DST: variants seen among roughly 807,000 people sequenced by gnomAD.
DST encodes the protein dystonin, also known as bullous pemphigoid antigen.
In DST, 253 loss-of-function variants were observed where a neutral mutation model predicts 875.2. That is an observed-to-expected ratio of 0.29 (90% CI 0.26 to 0.32). The LOEUF (loss-of-function observed/expected upper bound fraction) is 0.32. Ranked by LOEUF, DST falls within the 10% of genes least tolerant of loss-of-function variation. The pLI, the probability that DST is intolerant of heterozygous loss-of-function variation, is 1.00. For missense variants in DST, 8,287 were observed against 9,111.6 expected (o/e 0.91, Z 3.68); for synonymous variants, 3,124 against 3,197.1 (o/e 0.98, Z 0.77).
intron 4 of DST, among the ~76,000 whole-genome samples, chr6:56,811,559 T>C (rs1447574722): frequency 2.0e-5 from 3 of 152,218 alleles, no homozygotes; most frequent in African/African-American, 7.2e-5. Context: ...AATTGGATAC[T>C]ATCTTTCATT....
At chr6:56,918,083 A>C (rs952154696) in intron 2 of DST, among the ~76,000 whole-genome samples, 2 of 150,486 alleles carry the variant, frequency 1.3e-5, no homozygotes, top group African/African-American at 4.9e-5. Flanking sequence ...TGTTTTCTAC[A>C]TTGCTCTTTT....
intron 4 of DST, among the ~76,000 whole-genome samples, chr6:56,825,100 G>A (rs964817888): frequency 3.3e-5 from 5 of 151,738 alleles, no homozygotes; most frequent in African/African-American, 1.2e-4. Flanking sequence ...GATGGTTGCC[G>A]TGTCTGTGTA....
chr6:56,472,123 TG>T lies in DST; in HGVS notation c.22093del (p.Gln7365LysfsTer20). 6.2e-7 allele frequency: 1 copy of T among 1,613,970 alleles called. No homozygotes were observed. The highest frequency in any genetic ancestry group is 8.5e-7 in the Non-Finnish European group (1 of 1,179,850). ...TCTTTCCAACGCCAGGAGCCAGACT[TG>T]CTGCCATTTGCTCACCAGTAAGTTT... ...RVNLLVSKWQ[Q>X]VWLLALERRR... On this transcript the variant is annotated frameshift_variant, in exon 94 of 104. Transcript: ENST00000680361. LOFTEE classifies it high-confidence loss of function.
intron 10 of DST, among the ~76,000 whole-genome samples, chr6:56,661,492 G>A (rs111742523): frequency 0.022 from 3,402 of 152,166 alleles, 53 homozygotes; most frequent in Middle Eastern, 0.034. Flanking sequence ...GGCAGCATGC[G>A]GGGGGAGGGG....
chr6:56,632,779 A>G (rs1475579607), intron 28 of DST, 75 bp downstream of exon 28: 3 of 1,207,168 alleles, frequency 2.5e-6, no homozygotes, highest in Non-Finnish European at 3.6e-6. Flanking sequence ...TAAGATTGAG[A>G]TTCCCATTGA....
intron 15 of DST, among the ~76,000 whole-genome samples, 170 bp downstream of exon 15, chr6:56,645,696 G>A (rs2098938327): frequency 1.3e-5 from 2 of 152,110 alleles, no homozygotes; most frequent in Admixed American, 1.3e-4. Flanking sequence ...TTCACTGATT[G>A]CCTCCTTAAA....
chr6:56,564,335 G>C (rs922838096), intron 55 of DST, among the ~76,000 whole-genome samples: 7 of 152,124 alleles, frequency 4.6e-5, no homozygotes, highest in African/African-American at 1.7e-4. Flanking sequence ...TCTCTTTGTA[G>C]CGATTGTGAA....
Position 56,529,757 on chromosome 6 carries a change from G to C in DST, c.17286C>G (p.Ile5762Met). The C allele has an allele frequency of 6.3e-7, 1 of 1,583,760 alleles. No homozygotes were observed. Among genetic ancestry groups the C allele is most frequent in the Non-Finnish European group, 8.6e-7 (1 of 1,166,046 alleles). ...GGTGTAAATGTTTATTGTGATTGAT[G>C]ATGTCATCTTCTAAGGCCTAAGCAA... ...IAQHKALEDD[I>M]INHNKHLHQA... Residue 5762 changes from isoleucine to methionine, a missense_variant, in exon 66 of 104, where the codon ATC becomes ATG. Ile to Met is a conservative substitution (Grantham distance 10). Coordinates refer to ENST00000680361, the MANE Select transcript of DST (RefSeq NM_001374736.1).
chr6:56,736,786 A>G (rs1270051847), intron 4 of DST, among the ~76,000 whole-genome samples: 1 of 152,252 alleles, frequency 6.6e-6, no homozygotes, highest in East Asian at 1.9e-4. Flanking sequence ...ATATGAGACA[A>G]ATGTTACTAT....
chr6:56,630,830 T>G (rs1209682366), intron 30 of DST, among the ~76,000 whole-genome samples: 2 of 151,724 alleles, frequency 1.3e-5, no homozygotes, highest in East Asian at 1.9e-4. Flanking sequence ...TCACCCAGGC[T>G]GGAGTGCAGT....
intron 3 of DST, among the ~76,000 whole-genome samples, chr6:56,867,299 A>G (rs16888189): frequency 0.21 from 32,536 of 152,140 alleles, 3,901 homozygotes; most frequent in African/African-American, 0.32. Flanking sequence ...GCCCATTGCC[A>G]AGCACAGAGC....
chr6:56,729,807 G>A (rs1304321589), intron 5 of DST, among the ~76,000 whole-genome samples: 1 of 152,088 alleles, frequency 6.6e-6, no homozygotes, highest in East Asian at 1.9e-4. Flanking sequence ...CAGTGTGATT[G>A]ATTTGGTGGA....
chr6:56,712,100 A>AAAAAAAAAAAAAAAAAAAAC (rs1563813807), intron 5 of DST, among the ~76,000 whole-genome samples: 17 of 148,260 alleles, frequency 1.1e-4, no homozygotes, highest in African/African-American at 4.1e-4. Context: ...CAAAAAAAAA[A>AAAAAAAAAAAAAAAAAAAAC]AAAAAATAGG....
At chr6:56,554,143 G>C (rs897958383) in intron 60 of DST, among the ~76,000 whole-genome samples, 2 of 136,434 alleles carry the variant, frequency 1.5e-5, no homozygotes, top group Admixed American at 1.6e-4. Context: ...GGAGTGTTGA[G>C]GCGCTATCTC....
chr6:56,779,117 C>G (rs967105022), intron 4 of DST, among the ~76,000 whole-genome samples: 4 of 152,082 alleles, frequency 2.6e-5, no homozygotes, highest in Non-Finnish European at 4.4e-5. Flanking sequence ...TTTTGATTTG[C>G]ATTTCTCTGA....
At chr6:56,729,862 G>A (rs571410560) in intron 5 of DST, among the ~76,000 whole-genome samples, 7 of 152,180 alleles carry the variant, frequency 4.6e-5, no homozygotes, top group African/African-American at 7.2e-5. Flanking sequence ...GAATATCTGC[G>A]CCATGAGTAA....
chr6:56,623,131 C>A (rs1369066139), intron 36 of DST, among the ~76,000 whole-genome samples: 1 of 152,118 alleles, frequency 6.6e-6, no homozygotes, highest in Non-Finnish European at 1.5e-5. Flanking sequence ...AACTACAAAT[C>A]TTTGACATTT....
At chr6:56,573,934 C>T in intron 50 of DST, 47 bp from the exon 51 acceptor site, 1 of 1,403,360 alleles carries the variant, frequency 7.1e-7, no homozygotes, top group Non-Finnish European at 9.8e-7. Flanking sequence ...TCTCTTTGCC[C>T]TATCCCTTTT....
rs752609729 is a variant in DST at position 56,605,801 on chromosome 6, T to C, written c.8827A>G (p.Asn2943Asp). ...TFGPASISHD[N>D]NNISSTSELG... is the part of the protein sequence containing the mutation. Reference sequence around the variant, plus strand: ...TCAGAAGTTGAACTGATATTATTATTATCATGTGAAATACTTGCAGGGCCA... The same window carrying C: ...TCAGAAGTTGAACTGATATTATTATCATCATGTGAAATACTTGCAGGGCCA... Residue 2943 changes from asparagine (N) to aspartate (D), a missense_variant, in exon 40 of 104, where the codon AAT becomes GAT. Around this residue, in one of 10 missense-constraint regions of DST, gnomAD observed 3,138 missense variants for 3,116.6 expected, o/e 1.01. Transcript: ENST00000680361. 28 of 1,612,434 alleles carry C rather than the reference T, an allele frequency of 1.7e-5. 1 individual carries two copies. In the South Asian group the frequency reaches 3.0e-4, roughly 17 times the overall value.
Sources: gnomAD v4.1 joint callset for allele counts (sites outside exome capture counted in the v4.1 genomes callset) on GRCh38, gnomAD v4.1.1 for gene constraint, gnomAD v4.1.1 regional missense constraint, MANE v1.5 for transcripts, NCBI Gene and HGNC (gene_info 2026-07-23, HGNC 2026-07-21) for gene names.